The following DYDC1 variants were observed in gnomAD, a reference collection of about 807,000 sequenced individuals.
DYDC1 encodes the protein DPY30 domain containing 1.
A neutral mutation model predicts 27.9 loss-of-function variants in DYDC1; 21 were observed. The observed-to-expected ratio is 0.75, with a 90% CI of 0.53 to 1.08. DYDC1 has a LOEUF of 1.08. Ranked by LOEUF, DYDC1 falls within the 50% of genes least tolerant of loss-of-function variation. DYDC1 has a pLI of 0.00. For synonymous variants in DYDC1, 67 were observed against 65.8 expected (o/e 1.02, Z -0.09); for missense variants, 202 against 205.9 (o/e 0.98, Z 0.12).
In DYDC1 at chr10:80,342,362, C is replaced by G. The variant is rs769141793; in HGVS notation, c.250-1G>C. On this transcript the variant is annotated splice_acceptor_variant, in intron 3 of 6. Transcript: ENST00000372202. LOFTEE classifies it high-confidence loss of function. ...ACTCTAGCTGCAATGCCAGCTGTTG[C>G]TGAATATTCAGAAATATGTCATATT... 6.2e-7 allele frequency: 1 copy of G among 1,612,738 alleles called. No individual in the cohort carries two copies.
At chr10:80,338,438 GTT>G in intron 6 of DYDC1, 27 bp downstream of exon 6, 1 of 1,606,660 alleles carries the variant, frequency 6.2e-7, no homozygotes, top group African/African-American at 1.3e-5. Context: ...ACAAAAACGA[GTT>G]TTTTCACAAA....
chr10:80,355,004 A>G lies in DYDC1; in HGVS notation c.-10+1708T>C, dbSNP rs560602911. Among the ~76,000 whole-genome samples, 127 of 152,154 alleles carry G rather than the reference A, an allele frequency of 8.3e-4. 1 individual carries two copies. The highest frequency in any genetic ancestry group is 3.0e-3 in the African/African-American group (123 of 41,518). ...TGAAATTGCAGTTAAAATAAGTACT[A>G]TGAGACCAGACAAGAGGAGTAGCTG... On this transcript the variant is annotated intron_variant, in intron 1 of 6. Coordinates refer to ENST00000372202, the MANE Select transcript of DYDC1 (RefSeq NM_001269053.2).
intron 4 of DYDC1, 85 bp downstream of exon 4, chr10:80,342,184 G>A: frequency 7.6e-7 from 1 of 1,323,540 alleles, no homozygotes; most frequent in Non-Finnish European, 1.1e-6. Flanking sequence ...AAATCCCATG[G>A]TCCTTCTGCT....
chr10:80,337,273 G>A, intron 6 of DYDC1: 1 of 985,476 alleles, frequency 1.0e-6, no homozygotes, highest in South Asian at 4.7e-5. Context: ...CCCAAGGGCA[G>A]AAGCCCAATC....
intron 3 of DYDC1, among the ~76,000 whole-genome samples, chr10:80,343,298 A>G (rs1217197726): frequency 6.6e-6 from 1 of 152,204 alleles, no homozygotes; most frequent in East Asian, 1.9e-4. Context: ...ATTGTCTACG[A>G]GCGCTTTTGT....
chr10:80,337,334 C>G, intron 6 of DYDC1: 6 of 985,468 alleles, frequency 6.1e-6, no homozygotes, highest in Non-Finnish European at 7.2e-6. Context: ...CAAATCATAG[C>G]TGACCTTTAA....
intron 1 of DYDC1, among the ~76,000 whole-genome samples, chr10:80,355,753 A>C (rs1246390554): frequency 6.6e-6 from 1 of 152,198 alleles, no homozygotes; most frequent in Non-Finnish European, 1.5e-5. Flanking sequence ...TGGGGAAAGG[A>C]ATGTGTATGT....
At position 80,347,276 on chromosome 10, in the gene DYDC1, C is replaced by CTTTTTTTTTTTTTTTTTTTTTTTTT. The variant is rs556362145; in HGVS notation, c.249+4600_249+4624dup. 8.9e-5 allele frequency among the ~76,000 whole-genome samples: 8 copies of CTTTTTTTTTTTTTTTTTTTTTTTTT among 90,114 alleles called. 3 individuals carry two copies. Among genetic ancestry groups the CTTTTTTTTTTTTTTTTTTTTTTTTT allele is most frequent in the Non-Finnish European group, 1.3e-4 (6 of 47,022 alleles). The allele number at this position is 90,114 out of a possible 152,430, so 59.1% of individuals were successfully genotyped here. On this transcript the variant is annotated intron_variant, in intron 3 of 6. Transcript: ENST00000372202. ...CTTTGCCCATTTTTTAATTGGGATCCTTTTTTTTTTTTTTTTTTTTTTTTT... is the reference window on the plus strand; with the variant it reads ...CTTTGCCCATTTTTTAATTGGGATCCTTTTTTTTTTTTTTTTTTTTTTTTTTTTTTTTTTTTTTTTTTTTTTTTTT...
intron 3 of DYDC1, among the ~76,000 whole-genome samples, chr10:80,346,581 C>T (rs1416024508): frequency 1.3e-5 from 2 of 151,292 alleles, no homozygotes; most frequent in Non-Finnish European, 2.9e-5. Context: ...CTGTCTCAGC[C>T]TCCTGAGTAG....
intron 3 of DYDC1, among the ~76,000 whole-genome samples, chr10:80,344,068 A>G (rs1842468704): frequency 6.6e-6 from 1 of 152,156 alleles, no homozygotes; most frequent in Admixed American, 6.5e-5. Context: ...GTGAGCTGAG[A>G]TCGCACCACT....
At chr10:80,341,442 C>CAAAAAAAAAAAAAA (rs58419721) in intron 4 of DYDC1, among the ~76,000 whole-genome samples, 3 of 46,784 alleles carry the variant, frequency 6.4e-5, no homozygotes, top group African/African-American at 8.4e-5. Context: ...GACTCTGTCT[C>CAAAAAAAAAAAAAA]AAAAAAAAAA....
chr10:80,348,800 C>G lies in DYDC1; in HGVS notation c.249+3101G>C, dbSNP rs1033785438. 3.9e-5 allele frequency among the ~76,000 whole-genome samples: 6 copies of G among 152,318 alleles called. No homozygotes were observed. The South Asian group carries it at 1.2e-3, about 32-fold the overall frequency. ...ATATGCTTAATTTAAATTATACACACATAGACTGATAGCAACTTTTGACAG... is the reference window on the plus strand; with the variant it reads ...ATATGCTTAATTTAAATTATACACAGATAGACTGATAGCAACTTTTGACAG... On this transcript the variant is annotated intron_variant, in intron 3 of 6. Coordinates refer to ENST00000372202, the MANE Select transcript of DYDC1 (RefSeq NM_001269053.2).
At chr10:80,346,572 T>C (rs1379913403) in intron 3 of DYDC1, among the ~76,000 whole-genome samples, 2 of 149,316 alleles carry the variant, frequency 1.3e-5, no homozygotes, top group African/African-American at 2.5e-5. Flanking sequence ...ACCATTCTCC[T>C]GTCTCAGCCT....
At chr10:80,347,066 C>T (rs541724366) in intron 3 of DYDC1, among the ~76,000 whole-genome samples, 8 of 150,592 alleles carry the variant, frequency 5.3e-5, no homozygotes, top group African/African-American at 1.2e-4. Flanking sequence ...GGTGAAAGAG[C>T]GAGACTCTGT....
At position 80,351,983 on chromosome 10, in the gene DYDC1, T is replaced by C. The variant is rs1238514152; in HGVS notation, c.167A>G (p.Lys56Arg). The C allele has an allele frequency of 1.9e-6, 3 of 1,614,138 alleles. No individual in the cohort carries two copies. Among genetic ancestry groups the C allele is most frequent in the African/African-American group, 2.7e-5 (2 of 75,056 alleles). Residue 56 changes from lysine to arginine, a missense_variant, in exon 3 of 7, where the codon AAG (lysine) becomes AGG (arginine). By Grantham distance (26) the Lys-to-Arg change is conservative. Transcript: ENST00000372202. ...MEQLRQKEMAKLERERELALM... is the reference protein window; with the variant it reads ...MEQLRQKEMARLERERELALM... ...AGCTAATTCTCTTTCACGCTCCAGC[T>C]TGGCCATTTCCTTTTGTCTCTAGCA...
chr10:80,353,930 T>C (rs1239599984), intron 1 of DYDC1, among the ~76,000 whole-genome samples: 1 of 152,026 alleles, frequency 6.6e-6, no homozygotes, highest in East Asian at 1.9e-4. Context: ...TTTTGGAAAC[T>C]ATGTGAAACC....
intron 4 of DYDC1, among the ~76,000 whole-genome samples, chr10:80,341,894 CGTGCCT>C (rs1215663146): frequency 2.0e-5 from 3 of 151,956 alleles, no homozygotes; most frequent in Non-Finnish European, 4.4e-5. Context: ...CGTGGTGGTG[CGTGCCT>C]GTAATTCCAG....
rs747366281 is a variant in DYDC1 at position 80,342,341 on chromosome 10, T to C, written c.270A>G (p.Leu90=). The C allele has an allele frequency of 3.7e-6, 6 of 1,613,630 alleles. No individual in the cohort carries two copies. In the South Asian group the frequency reaches 6.6e-5, roughly 18 times the overall value. ...TCTCCTTTTCTTGCATTTCCAACTC[T>C]AGCTGCAATGCCAGCTGTTGCTGAA... ...LLQQQQLALQ[L]ELEMQEKERQ... Residue 90 remains leucine, a synonymous_variant, in exon 4 of 7, where the codon CTA becomes CTG. Transcript: ENST00000372202.
intron 6 of DYDC1, 196 bp from the exon 7 acceptor site, chr10:80,336,381 C>A: frequency 4.1e-6 from 4 of 970,138 alleles, no homozygotes; most frequent in Non-Finnish European, 4.9e-6. Flanking sequence ...TTGTTCCATC[C>A]TTTCTTCTAC....
Sources: gnomAD v4.1 joint callset for allele counts (sites outside exome capture counted in the v4.1 genomes callset) on GRCh38, gnomAD v4.1.1 for gene constraint, MANE v1.5 for transcripts, NCBI Gene and HGNC (gene_info 2026-07-23, HGNC 2026-07-21) for gene names.